The following MAPKAP1 variants were observed in gnomAD, a reference collection of about 807,000 sequenced individuals.
MAPKAP1 encodes target of rapamycin complex 2 subunit MAPKAP1.
Under a neutral mutation model 65.7 loss-of-function variants are expected in MAPKAP1, and 20 were observed. That is an observed-to-expected ratio of 0.30 (90% CI 0.21 to 0.44). The LOEUF is 0.44. Ranked by LOEUF, MAPKAP1 falls within the 20% of genes least tolerant of loss-of-function variation. MAPKAP1 has a pLI of 1.00. For synonymous variants in MAPKAP1, 222 were observed against 244.3 expected (o/e 0.91, Z 0.85); for missense variants, 423 against 648.0 (o/e 0.65, Z 3.77).
chr9:125,648,494 T>C (rs1237103524), intron 4 of MAPKAP1, among the ~76,000 whole-genome samples: 4 of 152,188 alleles, frequency 2.6e-5, no homozygotes, highest in Non-Finnish European at 4.4e-5. Context: ...TCAAGGCTCA[T>C]AGATGAGAGA....
chr9:125,642,523 CA>C (rs1251261112), intron 4 of MAPKAP1, among the ~76,000 whole-genome samples: 2 of 152,192 alleles, frequency 1.3e-5, no homozygotes, highest in Non-Finnish European at 2.9e-5. Context: ...TGCTCATTAA[CA>C]TACTAAATCA....
chr9:125,662,845 C>A (rs575481640), intron 3 of MAPKAP1, among the ~76,000 whole-genome samples: 133 of 151,484 alleles, frequency 8.8e-4, no homozygotes, highest in African/African-American at 3.0e-3. Flanking sequence ...GTAGTAGTGC[C>A]ACAGTTTCCT....
chr9:125,699,882 T>C (rs1835544095), intron 1 of MAPKAP1, among the ~76,000 whole-genome samples: 1 of 152,150 alleles, frequency 6.6e-6, no homozygotes, highest in Non-Finnish European at 1.5e-5. Flanking sequence ...CCCAAAGTGC[T>C]GGGATTAAAG....
At chr9:125,448,584 G>A (rs1270029536) in intron 10 of MAPKAP1, among the ~76,000 whole-genome samples, 1 of 152,232 alleles carries the variant, frequency 6.6e-6, no homozygotes, top group Non-Finnish European at 1.5e-5. Flanking sequence ...TGGGGCGTTA[G>A]AGGGAATCAG....
intron 3 of MAPKAP1, among the ~76,000 whole-genome samples, chr9:125,658,117 C>T (rs371988558): frequency 3.5e-4 from 51 of 145,806 alleles, no homozygotes; most frequent in Admixed American, 1.6e-3. Context: ...TTGCTACTAA[C>T]GGCAAGCTAT....
At chr9:125,463,091 T>C (rs992687724) in intron 10 of MAPKAP1, among the ~76,000 whole-genome samples, 4 of 152,260 alleles carry the variant, frequency 2.6e-5, no homozygotes, top group Non-Finnish European at 5.9e-5. Flanking sequence ...TCATTAATCT[T>C]CTTGCCATCT....
chr9:125,605,891 T>C (rs1392786751), intron 4 of MAPKAP1, among the ~76,000 whole-genome samples: 1 of 152,246 alleles, frequency 6.6e-6, no homozygotes. Context: ...TTAAACAGGC[T>C]TTCCTGAGAA....
intron 9 of MAPKAP1, among the ~76,000 whole-genome samples, chr9:125,477,431 T>C (rs1854150674): frequency 6.6e-6 from 1 of 152,170 alleles, no homozygotes; most frequent in South Asian, 2.1e-4. Context: ...GAAAGTCCTT[T>C]CAATACTGTG....
At chr9:125,528,755 G>A (rs961947558) in intron 7 of MAPKAP1, among the ~76,000 whole-genome samples, 18 of 150,468 alleles carry the variant, frequency 1.2e-4, no homozygotes, top group Admixed American at 4.7e-4. Flanking sequence ...GCTGAGGCAG[G>A]AGAATCGCCT....
intron 4 of MAPKAP1, among the ~76,000 whole-genome samples, chr9:125,653,292 T>C (rs2131742148): frequency 6.6e-6 from 1 of 152,338 alleles, no homozygotes; most frequent in East Asian, 1.9e-4. Context: ...CATAGAGCCT[T>C]CATAAGAAAA....
At chr9:125,510,013 G>A (rs1345958605) in intron 7 of MAPKAP1, among the ~76,000 whole-genome samples, 1 of 152,138 alleles carries the variant, frequency 6.6e-6, no homozygotes, top group African/African-American at 2.4e-5. Flanking sequence ...GTCCTATGAA[G>A]CCTAGCATGT....
Position 125,620,420 on chromosome 9 carries a change from T to C in MAPKAP1, c.499-34693A>G, listed in dbSNP as rs549168873. Among the ~76,000 whole-genome samples, 7 of 152,342 alleles carry C rather than the reference T, an allele frequency of 4.6e-5. No individual in the cohort carries two copies. In the East Asian group the frequency reaches 9.6e-4, roughly 21 times the overall value. The stretch of plus-strand genomic sequence containing the variant: ...TCTTACATTGCTGGTAGGAGTGTAA[T>C]TGGAGCAATCCCGAAGGAGACAATT... On this transcript the variant is annotated intron_variant, in intron 4 of 11. Coordinates refer to ENST00000265960, the MANE Select transcript of MAPKAP1 (RefSeq NM_001006617.3).
intron 5 of MAPKAP1, among the ~76,000 whole-genome samples, chr9:125,576,825 A>G (rs993580672): frequency 1.3e-5 from 2 of 152,028 alleles, no homozygotes; most frequent in African/African-American, 4.8e-5. Context: ...TCAGTGCTCA[A>G]TGGTGCCCAG....
intron 7 of MAPKAP1, among the ~76,000 whole-genome samples, chr9:125,542,056 C>T (rs2046397784): frequency 6.6e-6 from 1 of 151,144 alleles, no homozygotes; most frequent in Admixed American, 6.6e-5. Context: ...CTACCAGCAT[C>T]TCTCTCTCTC....
rs553289768 is a variant in MAPKAP1 at position 125,661,249 on chromosome 9, G to A, written c.350-3450C>T. ...GTTACCAGTGGGAGCATGAAACAGC[G>A]AAAGTCCTATGAAACGGAATTCGGA... is the stretch of plus-strand genomic sequence containing the variant. On this transcript the variant is annotated intron_variant, in intron 3 of 11. Coordinates refer to ENST00000265960, the MANE Select transcript of MAPKAP1 (RefSeq NM_001006617.3). 1.1e-4 allele frequency among the ~76,000 whole-genome samples: 16 copies of A among 152,252 alleles called. No individual in the cohort carries two copies. The East Asian group carries it at 1.2e-3, about 11-fold the overall frequency.
chr9:125,570,092 A>G (rs554307869), intron 5 of MAPKAP1, among the ~76,000 whole-genome samples: 1 of 152,338 alleles, frequency 6.6e-6, no homozygotes, highest in East Asian at 1.9e-4. Context: ...AATGCTAGAT[A>G]AGGCCTGGGG....
chr9:125,540,336 T>C (rs780402914), intron 7 of MAPKAP1, among the ~76,000 whole-genome samples: 9 of 152,208 alleles, frequency 5.9e-5, no homozygotes, highest in Non-Finnish European at 7.3e-5. Flanking sequence ...ATTATTATTA[T>C]CAGACAAACA....
At chr9:125,632,905 T>C (rs1316599867) in intron 4 of MAPKAP1, among the ~76,000 whole-genome samples, 1 of 152,240 alleles carries the variant, frequency 6.6e-6, no homozygotes, top group African/African-American at 2.4e-5. Context: ...CAAAAATTGA[T>C]GCTTTACTGA....
chr9:125,499,774 G>A (rs549648774), intron 8 of MAPKAP1, among the ~76,000 whole-genome samples: 2 of 152,182 alleles, frequency 1.3e-5, no homozygotes, highest in South Asian at 2.1e-4. Context: ...TATTATGGGA[G>A]GCAGAAGCAA....
Sources: allele counts gnomAD v4.1 joint callset (sites outside exome capture counted in the v4.1 genomes callset), GRCh38; gene constraint gnomAD v4.1.1; transcripts MANE v1.5; gene names NCBI Gene and HGNC (gene_info 2026-07-23, HGNC 2026-07-21).